Variants in SLC25A21 observed in about 807,000 individuals in gnomAD.
SLC25A21 encodes the protein mitochondrial 2-oxodicarboxylate carrier.
A neutral mutation model predicts 43.8 loss-of-function variants in SLC25A21; 47 were observed. The ratio of observed to expected loss-of-function variants is 1.07; its 90% confidence interval spans 0.85 to 1.37. SLC25A21 has a LOEUF of 1.37. Among genes scored for constraint, SLC25A21 ranks in the 40% most tolerant of loss-of-function variants. SLC25A21 has a pLI of 0.00. For synonymous variants in SLC25A21, 131 were observed against 121.3 expected (o/e 1.08, Z -0.52); for missense variants, 352 against 350.2 (o/e 1.00, Z -0.04).
intron 6 of SLC25A21, among the ~76,000 whole-genome samples, chr14:36,715,837 T>G (rs1884104988): frequency 6.6e-6 from 1 of 152,224 alleles, no homozygotes. Context: ...CTCATACCTG[T>G]AATTCCAGCA....
chr14:37,043,303 C>A (rs10143832), intron 1 of SLC25A21, among the ~76,000 whole-genome samples: 36,512 of 152,100 alleles, frequency 0.24, 4,808 homozygotes, highest in Non-Finnish European at 0.29. Flanking sequence ...CAATTCTGAG[C>A]AAACCATTCC....
chr14:37,017,940 G>A (rs996618543), intron 1 of SLC25A21, among the ~76,000 whole-genome samples: 1 of 151,844 alleles, frequency 6.6e-6, no homozygotes, highest in African/African-American at 2.4e-5. Context: ...TCCCTTTCAT[G>A]TACCTAAATT....
intron 1 of SLC25A21, among the ~76,000 whole-genome samples, chr14:36,955,787 T>A (rs1959325320): frequency 1.3e-5 from 2 of 152,282 alleles, no homozygotes; most frequent in Admixed American, 6.5e-5. Flanking sequence ...TGGAATGATA[T>A]CTGTGAAACA....
intron 1 of SLC25A21, among the ~76,000 whole-genome samples, chr14:36,920,559 A>G (rs1253248280): frequency 6.6e-6 from 1 of 152,078 alleles, no homozygotes; most frequent in Non-Finnish European, 1.5e-5. Flanking sequence ...TTCCCACCAC[A>G]TCTCCTTTAA....
intron 7 of SLC25A21, among the ~76,000 whole-genome samples, chr14:36,688,761 T>A (rs1337431022): frequency 6.6e-6 from 1 of 152,258 alleles, no homozygotes; most frequent in Non-Finnish European, 1.5e-5. Context: ...TTGTGCCAGA[T>A]ACTGCTAAGT....
intron 1 of SLC25A21, among the ~76,000 whole-genome samples, chr14:37,104,341 C>T (rs551374738): frequency 1.3e-5 from 2 of 152,246 alleles, no homozygotes; most frequent in Non-Finnish European, 2.9e-5. Flanking sequence ...ACCTTGATCT[C>T]GGCCTTCTCA....
At chr14:36,732,658 C>G (rs1025800188) in intron 4 of SLC25A21, among the ~76,000 whole-genome samples, 1 of 151,936 alleles carries the variant, frequency 6.6e-6, no homozygotes, top group African/African-American at 2.4e-5. Flanking sequence ...ACACACCCCG[C>G]CCCCCTCAGT....
chr14:36,881,956 C>T (rs80231051), intron 1 of SLC25A21, among the ~76,000 whole-genome samples: 3,071 of 152,298 alleles, frequency 0.02, 104 homozygotes, highest in African/African-American at 0.069. Context: ...CTGTTCTGTT[C>T]TGATACATTA....
chr14:36,704,755 C>T (rs566141514), intron 7 of SLC25A21, among the ~76,000 whole-genome samples: 37 of 152,150 alleles, frequency 2.4e-4, no homozygotes, highest in African/African-American at 7.9e-4. Flanking sequence ...GAAAGAGTTC[C>T]GGTCTCTGGT....
At chr14:36,895,959 T>C (rs969587126) in intron 1 of SLC25A21, among the ~76,000 whole-genome samples, 121 of 152,194 alleles carry the variant, frequency 8.0e-4, no homozygotes, top group African/African-American at 2.8e-3. Flanking sequence ...TTTACTTCCA[T>C]CTGTGTGGTC....
At chr14:36,875,420 T>C (rs543160696) in intron 1 of SLC25A21, among the ~76,000 whole-genome samples, 90 of 152,180 alleles carry the variant, frequency 5.9e-4, no homozygotes, top group African/African-American at 2.1e-3. Context: ...TTAGTAAACA[T>C]AGCAAATCAG....
intron 2 of SLC25A21, among the ~76,000 whole-genome samples, chr14:36,818,272 C>T (rs892154161): frequency 1.3e-5 from 2 of 152,148 alleles, no homozygotes; most frequent in African/African-American, 4.8e-5. Context: ...TACATATCTG[C>T]AATTAAACTT....
chr14:36,711,259 C>T lies in SLC25A21; in HGVS notation c.603+59G>A, dbSNP rs77069550. ...CAGGACAGGATAAACATTCTACAAA[C>T]GGAGCTATCATCACTGATAGGATTT... On this transcript the variant is annotated intron_variant, in intron 7 of 9. Transcript: ENST00000331299. 3.1e-3 allele frequency: 4,620 copies of T among 1,483,804 alleles called. 131 individuals carry two copies. The African/African-American group carries it at 0.057, about 18-fold the overall frequency. 91.9% of individuals were successfully genotyped at this position (1,483,804 alleles called of 1,614,324 possible).
chr14:36,797,688 G>C (rs1887722429), intron 3 of SLC25A21, among the ~76,000 whole-genome samples: 1 of 152,198 alleles, frequency 6.6e-6, no homozygotes, highest in Non-Finnish European at 1.5e-5. Context: ...TGCGGTAGCA[G>C]AGTGGAAGGG....
intron 1 of SLC25A21, among the ~76,000 whole-genome samples, chr14:36,886,325 T>C (rs1890911175): frequency 6.6e-6 from 1 of 152,188 alleles, no homozygotes; most frequent in African/African-American, 2.4e-5. Context: ...ATAGGCAACG[T>C]GATTTGGCAG....
intron 3 of SLC25A21, among the ~76,000 whole-genome samples, chr14:36,760,834 G>A (rs999557822): frequency 6.6e-6 from 1 of 152,008 alleles, no homozygotes; most frequent in Non-Finnish European, 1.5e-5. Flanking sequence ...GGTGGAGGGG[G>A]AAAGGGAAGG....
At chr14:36,883,813 AT>A (rs1205144184) in intron 1 of SLC25A21, among the ~76,000 whole-genome samples, 5 of 152,266 alleles carry the variant, frequency 3.3e-5, no homozygotes, top group South Asian at 2.1e-4. Flanking sequence ...GATCTTACTT[AT>A]TTTTTTAAAA....
intron 1 of SLC25A21, among the ~76,000 whole-genome samples, chr14:37,091,395 C>T (rs1042737307): frequency 2.6e-5 from 4 of 151,590 alleles, no homozygotes; most frequent in Non-Finnish European, 5.9e-5. Flanking sequence ...GATTGCACCA[C>T]TGCGCTCCAG....
intron 1 of SLC25A21, among the ~76,000 whole-genome samples, chr14:37,136,888 T>C (rs926421720): frequency 2.0e-5 from 3 of 152,146 alleles, no homozygotes; most frequent in Non-Finnish European, 4.4e-5. Context: ...TGAGTGATTG[T>C]AGGGGATATA....
Sources: gnomAD v4.1 joint callset for allele counts (sites outside exome capture counted in the v4.1 genomes callset) on GRCh38, gnomAD v4.1.1 for gene constraint, MANE v1.5 for transcripts, NCBI Gene and HGNC (gene_info 2026-07-23, HGNC 2026-07-21) for gene names.